KHDRBS3: variants seen among roughly 807,000 people sequenced by gnomAD.
The protein encoded by KHDRBS3 is KH domain-containing, RNA-binding, signal transduction-associated protein 3.
A neutral mutation model predicts 45.6 loss-of-function variants in KHDRBS3; 23 were observed. That is an observed-to-expected ratio of 0.50 (90% confidence interval 0.36 to 0.72). The LOEUF is 0.72. Among genes scored for constraint, KHDRBS3 ranks in the 30% least tolerant of loss-of-function variants. KHDRBS3 has a pLI of 0.00. For missense variants in KHDRBS3, 352 were observed against 424.8 expected (o/e 0.83, Z 1.51); for synonymous variants, 162 against 156.5 (o/e 1.04, Z -0.26).
At chr8:135,469,730 T>C (rs567728217) in intron 1 of KHDRBS3, among the ~76,000 whole-genome samples, 5 of 152,286 alleles carry the variant, frequency 3.3e-5, no homozygotes, top group African/African-American at 9.6e-5. Context: ...GGTTACACCC[T>C]GTTGGCCAGG....
intron 6 of KHDRBS3, among the ~76,000 whole-genome samples, chr8:135,603,628 C>G (rs147256234): frequency 7.2e-5 from 11 of 152,232 alleles, no homozygotes; most frequent in African/African-American, 2.4e-4. Context: ...ACATATAGCT[C>G]TTTGACAAAT....
At chr8:135,497,581 A>G (rs1198978019) in intron 1 of KHDRBS3, among the ~76,000 whole-genome samples, 2 of 152,190 alleles carry the variant, frequency 1.3e-5, no homozygotes, top group African/African-American at 4.8e-5. Context: ...AGGGGGAGTC[A>G]CAGGCACAAA....
At chr8:135,627,904 G>C (rs1830443485) in intron 7 of KHDRBS3, among the ~76,000 whole-genome samples, 1 of 150,480 alleles carries the variant, frequency 6.6e-6, no homozygotes. Context: ...TGAAAAACAG[G>C]TGGTGTTGAA....
At chr8:135,608,738 G>C (rs1029051184) in intron 7 of KHDRBS3, among the ~76,000 whole-genome samples, 1 of 152,142 alleles carries the variant, frequency 6.6e-6, no homozygotes, top group African/African-American at 2.4e-5. Flanking sequence ...AGGCAATTTT[G>C]TCATTGTGTG....
chr8:135,558,619 T>C (rs1827011561), intron 5 of KHDRBS3, among the ~76,000 whole-genome samples: 1 of 152,130 alleles, frequency 6.6e-6, no homozygotes, highest in South Asian at 2.1e-4. Context: ...AGTAATAGGG[T>C]TGCTATTGAT....
intron 7 of KHDRBS3, among the ~76,000 whole-genome samples, chr8:135,637,952 C>T (rs1420970831): frequency 6.6e-6 from 1 of 152,042 alleles, no homozygotes; most frequent in Non-Finnish European, 1.5e-5. Context: ...TCTGGTCCAC[C>T]CACCCCTCCT....
At chr8:135,560,633 T>C (rs1827124218) in intron 5 of KHDRBS3, among the ~76,000 whole-genome samples, 1 of 152,202 alleles carries the variant, frequency 6.6e-6, no homozygotes, top group Non-Finnish European at 1.5e-5. Flanking sequence ...GTTTTTTTGT[T>C]TATTTTGAAT....
At position 135,578,149 on chromosome 8, in the gene KHDRBS3, A is replaced by C. The variant is rs1031892721; in HGVS notation, c.612-3729A>C. Among the ~76,000 whole-genome samples, 6 of 152,278 alleles carry C rather than the reference A, an allele frequency of 3.9e-5. No homozygotes were observed. The East Asian group carries it at 1.2e-3, about 29-fold the overall frequency. ...TTGGATACAAATCCTTTATCAGCTAACATGTTTCCCAAATATTTTCTTCCT... is the reference window on the plus strand; with the variant it reads ...TTGGATACAAATCCTTTATCAGCTACCATGTTTCCCAAATATTTTCTTCCT... On this transcript the variant is annotated intron_variant, in intron 5 of 8. Transcript: ENST00000355849.
At chr8:135,612,818 G>A (rs915831698) in intron 7 of KHDRBS3, among the ~76,000 whole-genome samples, 10 of 151,718 alleles carry the variant, frequency 6.6e-5, no homozygotes, top group African/African-American at 1.9e-4. Flanking sequence ...CCCTTGACCC[G>A]TGGCCAGTCC....
chr8:135,646,926 GTC>G, intron 8 of KHDRBS3, 65 bp from the exon 9 acceptor site: 1 of 862,216 alleles, frequency 1.2e-6, no homozygotes, highest in Non-Finnish European at 2.0e-6. Flanking sequence ...CTAAGTTAGA[GTC>G]TGAAAAATGA....
At chr8:135,587,842 C>T (rs190324769) in intron 6 of KHDRBS3, among the ~76,000 whole-genome samples, 1 of 152,234 alleles carries the variant, frequency 6.6e-6, no homozygotes, top group African/African-American at 2.4e-5. Context: ...AAATCAGCAT[C>T]CCCCCTAACA....
chr8:135,619,482 G>T (rs562491964), intron 7 of KHDRBS3, among the ~76,000 whole-genome samples: 22 of 152,186 alleles, frequency 1.4e-4, no homozygotes, highest in African/African-American at 5.3e-4. Flanking sequence ...CTCAATTAAG[G>T]CTGCATAAAG....
chr8:135,630,557 G>C (rs1001190199), intron 7 of KHDRBS3, among the ~76,000 whole-genome samples: 16 of 151,256 alleles, frequency 1.1e-4, no homozygotes, highest in Admixed American at 3.3e-4. Flanking sequence ...TGCATCCTTA[G>C]GTAATTTCAT....
chr8:135,479,870 C>T (rs546254235), intron 1 of KHDRBS3, among the ~76,000 whole-genome samples: 2 of 152,286 alleles, frequency 1.3e-5, no homozygotes, highest in African/African-American at 4.8e-5. Context: ...GAAAACTACA[C>T]ATCAGTATCT....
At chr8:135,475,287 C>G (rs995541978) in intron 1 of KHDRBS3, among the ~76,000 whole-genome samples, 14 of 152,144 alleles carry the variant, frequency 9.2e-5, no homozygotes, top group Admixed American at 1.3e-4. Context: ...AACTGTTTAT[C>G]AAGTACCTAG....
intron 6 of KHDRBS3, among the ~76,000 whole-genome samples, chr8:135,596,661 G>A (rs1469586804): frequency 2.6e-5 from 4 of 152,118 alleles, no homozygotes; most frequent in Non-Finnish European, 5.9e-5. Flanking sequence ...GATTCAGATA[G>A]CAAACATTAT....
At chr8:135,577,297 ACT>A (rs1040685737) in intron 5 of KHDRBS3, among the ~76,000 whole-genome samples, 1 of 151,798 alleles carries the variant, frequency 6.6e-6, no homozygotes, top group African/African-American at 2.4e-5. Context: ...ATGAAAATTC[ACT>A]CTCTGTGCTG....
At chr8:135,568,995 G>T (rs1827563891) in intron 5 of KHDRBS3, among the ~76,000 whole-genome samples, 1 of 151,828 alleles carries the variant, frequency 6.6e-6, no homozygotes, top group Admixed American at 6.6e-5. Context: ...TTTAAATTTT[G>T]TGTTTTTATT....
intron 2 of KHDRBS3, chr8:135,539,939 T>C (rs1432513166): frequency 6.6e-6 from 1 of 152,252 alleles, no homozygotes; most frequent in Non-Finnish European, 1.5e-5. Flanking sequence ...TCAAGTGACC[T>C]TTAATCAATC....
Sources: allele counts gnomAD v4.1 joint callset (sites outside exome capture counted in the v4.1 genomes callset), GRCh38; gene constraint gnomAD v4.1.1; transcripts MANE v1.5; gene names NCBI Gene and HGNC (gene_info 2026-07-23, HGNC 2026-07-21).